Variants in SVIP observed in about 807,000 individuals in gnomAD.
SVIP encodes the protein small VCP/p97-interacting protein.
SVIP carries 14 observed loss-of-function variants against 12.9 expected under a neutral mutation model. The ratio of observed to expected loss-of-function variants is 1.08; its 90% CI spans 0.72 to 1.70. SVIP has a LOEUF of 1.70. SVIP is among the 40% of genes most tolerant of loss of function. The probability of loss-of-function intolerance (pLI) is 0.00; values close to 1 mark genes in which losing one functional copy is unlikely to be tolerated. For missense variants in SVIP, 93 were observed against 90.8 expected (o/e 1.02, Z -0.10); for synonymous variants, 35 against 33.3 (o/e 1.05, Z -0.17).
intron 2 of SVIP, among the ~76,000 whole-genome samples, chr11:22,827,582 G>A (rs1267245374): frequency 1.3e-5 from 2 of 152,082 alleles, no homozygotes; most frequent in Non-Finnish European, 2.9e-5. Flanking sequence ...ATTTTAAAAG[G>A]AAGGATGTTA....
At chr11:22,828,392 G>T (rs916095869) in intron 1 of SVIP, among the ~76,000 whole-genome samples, 3 of 152,094 alleles carry the variant, frequency 2.0e-5, no homozygotes, top group African/African-American at 4.8e-5. Flanking sequence ...CCTTTTTCTA[G>T]GTGCTGGGAT....
chr11:22,828,715 T>C (rs1329154875), intron 1 of SVIP, among the ~76,000 whole-genome samples: 1 of 151,914 alleles, frequency 6.6e-6, no homozygotes, highest in Non-Finnish European at 1.5e-5. Context: ...AACAACAAAA[T>C]CAACTTAATT....
chr11:22,827,228 G>A lies in SVIP; in HGVS notation c.198C>T (p.Pro66=), dbSNP rs562012924. 15 of 1,608,148 alleles carry A rather than the reference G, an allele frequency of 9.3e-6. No homozygotes were observed. The African/African-American group carries it at 1.9e-4, about 20-fold the overall frequency. Residue 66 remains proline (P), a synonymous_variant, in exon 3 of 4, where the codon CCC becomes CCT. Coordinates refer to ENST00000354193, the MANE Select transcript of SVIP (RefSeq NM_148893.3). The stretch of plus-strand genomic sequence containing the variant: ...TTACCCTAAGTCCACCTTCTGGTGG[G>A]GGCCCGGATGTAGCAATTTGTTTTT... The part of the protein sequence containing the change: ...KIEKQIATSG[P]PPEGGLRWTV...
In SVIP at chr11:22,827,894, T is replaced by A; in HGVS notation, c.55-20A>T. On this transcript the variant is annotated intron_variant, in intron 1 of 3. Transcript: ENST00000354193. ...CTCTTCCTAAATAAATGTGTAAAAA[T>A]ATGTATTAAAATAACAAACATTATT... 6.6e-7 allele frequency: 1 copy of A among 1,516,494 alleles called. No individual in the cohort carries two copies. Among genetic ancestry groups the A allele is most frequent in the South Asian group, 1.3e-5 (1 of 78,874 alleles). 93.9% of individuals were successfully genotyped at this position (1,516,494 alleles called of 1,614,324 possible). A position where few individuals can be genotyped will look rare whatever the true frequency, so the allele number is the denominator to read the frequency against.
chr11:22,828,829 A>C (rs919937348), intron 1 of SVIP, among the ~76,000 whole-genome samples: 2 of 152,204 alleles, frequency 1.3e-5, no homozygotes, highest in Non-Finnish European at 2.9e-5. Context: ...TGTACTTCCC[A>C]AAAATACTTC....
chr11:22,826,420 CA>C (rs1423252258), intron 3 of SVIP, among the ~76,000 whole-genome samples: 6 of 152,052 alleles, frequency 3.9e-5, no homozygotes, highest in Non-Finnish European at 8.8e-5. Flanking sequence ...ACTCATAAAT[CA>C]TTGACAAGTT....
At chr11:22,829,670 G>C in intron 1 of SVIP, 25 bp downstream of exon 1, 1 of 1,574,550 alleles carries the variant, frequency 6.4e-7, no homozygotes, top group Middle Eastern at 1.7e-4. Context: ...GCGGCCCGGC[G>C]GACGCAGGGA....
At chr11:22,824,488 A>G (rs564726705) in intron 3 of SVIP, among the ~76,000 whole-genome samples, 118 of 132,562 alleles carry the variant, frequency 8.9e-4, no homozygotes, top group East Asian at 3.1e-4. Flanking sequence ...ATATATATGT[A>G]TATATATACG....
rs763093877 is a variant in SVIP, at chr11:22,829,727, G to A, written c.22C>T (p.Pro8Ser). ...GGCGTGGGAGGCGCGGACTCCCCGG[G>A]ACAAGGAAAACACAGCCCCATAGGG... MGLCFPC[P>S]GESAPPTPDL... Residue 8 changes from proline to serine, a missense_variant, in exon 1 of 4, where the codon CCC (proline) becomes TCC (serine). By Grantham distance (74) the Pro-to-Ser change is moderately conservative. Coordinates refer to ENST00000354193, the MANE Select transcript of SVIP (RefSeq NM_148893.3). The A allele has an allele frequency of 4.1e-5, 66 of 1,607,562 alleles. No homozygotes were observed. The South Asian group carries it at 7.2e-4, about 18-fold the overall frequency.
intron 2 of SVIP, 40 bp from the exon 3 acceptor site, chr11:22,827,360 A>C: frequency 1.3e-6 from 2 of 1,529,210 alleles, no homozygotes; most frequent in Non-Finnish European, 1.8e-6. Flanking sequence ...AGACAACAAA[A>C]ATCTGTCCAG....
chr11:22,825,300 TTC>T (rs967673432), intron 3 of SVIP, among the ~76,000 whole-genome samples: 3 of 152,154 alleles, frequency 2.0e-5, no homozygotes, highest in Non-Finnish European at 4.4e-5. Context: ...TATTTTTCCC[TTC>T]TGTTATCCCT....
chr11:22,827,008 C>T (rs1219583113), intron 3 of SVIP, among the ~76,000 whole-genome samples, 199 bp downstream of exon 3: 2 of 151,846 alleles, frequency 1.3e-5, no homozygotes, highest in Non-Finnish European at 2.9e-5. Flanking sequence ...TCTATTATTT[C>T]ATTTTGGGGA....
At chr11:22,823,271 A>T in intron 3 of SVIP, 138 bp from the exon 4 acceptor site, 1 of 601,824 alleles carries the variant, frequency 1.7e-6, no homozygotes, top group Non-Finnish European at 2.8e-6. Flanking sequence ...AGCTATTCAT[A>T]AAATTTTACA....
intron 3 of SVIP, among the ~76,000 whole-genome samples, chr11:22,825,726 T>C (rs1857673922): frequency 6.6e-6 from 1 of 152,234 alleles, no homozygotes; most frequent in Non-Finnish European, 1.5e-5. Flanking sequence ...CTTTCTTTAT[T>C]ATACTTTAAA....
intron 1 of SVIP, among the ~76,000 whole-genome samples, chr11:22,828,661 G>A (rs1857818325): frequency 6.6e-6 from 1 of 151,994 alleles, no homozygotes; most frequent in Non-Finnish European, 1.5e-5. Flanking sequence ...GGATGGGGGG[G>A]AGGGCTTAAC....
chr11:22,825,819 T>A (rs1357381492), intron 3 of SVIP, among the ~76,000 whole-genome samples: 1 of 152,216 alleles, frequency 6.6e-6, no homozygotes, highest in Non-Finnish European at 1.5e-5. Context: ...ATCCTTTTCC[T>A]ATAACATTAC....
At chr11:22,829,626 C>G (rs2286811) in intron 1 of SVIP, 69 bp downstream of exon 1, 1 of 1,481,100 alleles carries the variant, frequency 6.8e-7, no homozygotes, top group Non-Finnish European at 9.1e-7. Context: ...AATGGCTCGG[C>G]CCGCCCCGCA....
intron 1 of SVIP, among the ~76,000 whole-genome samples, chr11:22,828,776 A>G (rs1335011670): frequency 2.0e-5 from 3 of 152,234 alleles, no homozygotes; most frequent in East Asian, 1.9e-4. Flanking sequence ...CATCAAATTT[A>G]TAAGTACTAA....
chr11:22,827,201 A>T lies in SVIP; in HGVS notation c.219+6T>A, dbSNP rs1484063470. On this transcript the variant is annotated splice_donor_region_variant and intron_variant, in intron 3 of 3. Transcript: ENST00000354193. The stretch of plus-strand genomic sequence containing the variant: ...AGTTAATCACTAAGAAAATTTTAAT[A>T]CTTACCCTAAGTCCACCTTCTGGTG... 3 of 1,602,128 alleles carry T rather than the reference A, an allele frequency of 1.9e-6. No individual in the cohort carries two copies. Among genetic ancestry groups the T allele is most frequent in the Admixed American group, 3.4e-5 (2 of 58,822 alleles).
Sources: gnomAD v4.1 joint callset for allele counts (sites outside exome capture counted in the v4.1 genomes callset) on GRCh38, gnomAD v4.1.1 for gene constraint, MANE v1.5 for transcripts, NCBI Gene and HGNC (gene_info 2026-07-23, HGNC 2026-07-21) for gene names.